The following SLC12A3 variants were observed in gnomAD, a reference collection of about 807,000 sequenced individuals.
SLC12A3 encodes solute carrier family 12 member 3, also known as Na-Cl cotransporter.
In SLC12A3, 104 loss-of-function variants were observed where a neutral mutation model predicts 121.0. That is an observed-to-expected ratio of 0.86 (90% CI 0.73 to 1.01). The LOEUF is 1.01. SLC12A3 is among the 50% of genes least tolerant of loss of function. The probability of loss-of-function intolerance (pLI) is 0.00; values close to 1 mark genes in which losing one functional copy is unlikely to be tolerated. For missense variants in SLC12A3, 1,328 were observed against 1,356.3 expected, an observed-to-expected ratio of 0.98 and a Z score of 0.33; for synonymous variants, 536 against 533.4, an observed-to-expected ratio of 1.00 and a Z score of -0.07.
chr16:56,866,936 A>T, intron 1 of SLC12A3, 134 bp from the exon 2 acceptor site: 1 of 1,185,840 alleles, frequency 8.4e-7, no homozygotes, highest in Non-Finnish European at 1.2e-6. Context: ...CCCCTCAAGC[A>T]GCTCAACACC....
Position 56,890,364 on chromosome 16 carries a change from C to T in SLC12A3, c.2368+8C>T, listed in dbSNP as rs140236327. 6.2e-7 allele frequency: 1 copy of T among 1,611,830 alleles called. No homozygotes were observed. Among genetic ancestry groups the T allele is most frequent in the South Asian group, 1.1e-5 (1 of 91,036 alleles). ...AGATGATGCAGGCGCACAGTGAGTA[C>T]ATGCCCCACCCACTCCCAGAAAGTT... On this transcript the variant is annotated splice_region_variant and intron_variant, in intron 19 of 25. Transcript: ENST00000563236.
rs778388785 is a variant in SLC12A3 at position 56,872,654 on chromosome 16, A to T, written c.965-2A>T. The T allele has an allele frequency of 6.2e-7, 1 of 1,614,254 alleles. No homozygotes were observed. The highest frequency in any genetic ancestry group is 8.5e-7 in the Non-Finnish European group (1 of 1,180,046). ...CTTACTCATCAGGCCTTGCTTTTCC[A>T]GCGGACATTTTTGTCCAGAACTTGG... On this transcript the variant is annotated splice_acceptor_variant, in intron 7 of 25. Transcript: ENST00000563236. LOFTEE classifies it high-confidence loss of function.
intron 18 of SLC12A3, 26 bp downstream of exon 18, chr16:56,888,057 T>G (rs758047264): frequency 6.4e-7 from 1 of 1,558,034 alleles, no homozygotes; most frequent in South Asian, 1.1e-5. Flanking sequence ...GGAAGGGGCT[T>G]GGGGTCTGTT....
At chr16:56,884,343 C>T in intron 14 of SLC12A3, 139 bp downstream of exon 14, 1 of 879,166 alleles carries the variant, frequency 1.1e-6, no homozygotes, top group Admixed American at 2.2e-5. Context: ...CCCCTTTATC[C>T]CTCCCAATGT....
intron 8 of SLC12A3, among the ~76,000 whole-genome samples, chr16:56,873,515 T>C (rs1208828878): frequency 6.8e-6 from 1 of 147,556 alleles, no homozygotes; most frequent in Non-Finnish European, 1.5e-5. Context: ...GCCTCCTGAG[T>C]AGCTGGGATT....
chr16:56,884,298 C>A (rs761163834), intron 14 of SLC12A3, 94 bp downstream of exon 14: 1 of 1,312,284 alleles, frequency 7.6e-7, no homozygotes, highest in Non-Finnish European at 1.1e-6. Flanking sequence ...GCCCTGAGTC[C>A]GGCTCTGTGC....
rs2055736353 is a variant in SLC12A3 at position 56,915,131 on chromosome 16, G to GT, written c.*1727dup. Reference sequence around the variant, plus strand: ...ATCGAATGCCAGTGGGTGAGGCCAAGTGAGGGTATTTGCAGCTCTAGACAT... The same window carrying GT: ...ATCGAATGCCAGTGGGTGAGGCCAAGTTGAGGGTATTTGCAGCTCTAGACAT... On this transcript the variant is annotated 3_prime_UTR_variant, in exon 26 of 26. Coordinates refer to ENST00000563236, the MANE Select transcript of SLC12A3 (RefSeq NM_001126108.2). 6.6e-6 allele frequency: 1 copy of GT among 152,338 alleles called. No individual in the cohort carries two copies. Among genetic ancestry groups the GT allele is most frequent in the South Asian group, 2.1e-4 (1 of 4,834 alleles). The allele number at this position is 152,338 out of a possible 1,614,324, so 9.4% of individuals were successfully genotyped here. A position where few individuals can be genotyped will look rare whatever the true frequency, so the allele number is the denominator to read the frequency against.
rs1481359450 is a variant in SLC12A3, at chr16:56,915,339, C to T, written c.*1934C>T. 4 of 152,218 alleles carry T rather than the reference C, an allele frequency of 2.6e-5. No individual in the cohort carries two copies. The highest frequency in any genetic ancestry group is 4.4e-5 in the Non-Finnish European group (3 of 68,036). 9.4% of individuals were successfully genotyped at this position (152,218 alleles called of 1,614,324 possible). A position where few individuals can be genotyped will look rare whatever the true frequency, so the allele number is the denominator to read the frequency against. On this transcript the variant is annotated 3_prime_UTR_variant, in exon 26 of 26. Coordinates refer to ENST00000563236, the MANE Select transcript of SLC12A3 (RefSeq NM_001126108.2). The stretch of plus-strand genomic sequence containing the variant: ...AGACTTCTAGAATTTAGAAGGAGAT[C>T]TGAAGTCTCCTTTCTGGAGTTACAA...
intron 22 of SLC12A3, among the ~76,000 whole-genome samples, chr16:56,899,009 G>C (rs2055502171): frequency 6.6e-6 from 1 of 152,176 alleles, no homozygotes; most frequent in Admixed American, 6.6e-5. Flanking sequence ...AATTTGGGGT[G>C]CGCTAGTACA....
Position 56,899,583 on chromosome 16 carries a change from TC to T in SLC12A3, c.2690del (p.Pro897LeufsTer18). On this transcript the variant is annotated frameshift_variant, in exon 23 of 26. Transcript: ENST00000563236. LOFTEE classifies it high-confidence loss of function. Reference protein sequence around the residue: ...FRLGFHEVHILPDINQNPRAE... With the variant: ...FRLGFHEVHIXPDINQNPRAE... ...CTGGGATTCCATGAAGTCCACATCC[TC>T]CCTGACATCAACCAGAACCCTCGGG... The T allele has an allele frequency of 1.9e-6, 3 of 1,614,130 alleles. No homozygotes were observed.
At position 56,887,790 on chromosome 16, in the gene SLC12A3, ATATATATATTTT is replaced by A. The variant is rs1184074282; in HGVS notation, c.2179-133_2179-122del. On this transcript the variant is annotated intron_variant, in intron 17 of 25. Coordinates refer to ENST00000563236, the MANE Select transcript of SLC12A3 (RefSeq NM_001126108.2). ...TTTAAGATTATATATATATATATAT[ATATATATATTTT>A]TTTTTTTTTTTTTTTTGAGAATCAG... The A allele has an allele frequency of 7.6e-4, 84 of 110,372 alleles. 1 individual carries two copies. The highest frequency in any genetic ancestry group is 4.5e-3 in the East Asian group (22 of 4,898). The allele number at this position is 110,372 out of a possible 1,614,324, so 6.8% of individuals were successfully genotyped here. A position where few individuals can be genotyped will look rare whatever the true frequency, so the allele number is the denominator to read the frequency against.
intron 12 of SLC12A3, among the ~76,000 whole-genome samples, chr16:56,882,028 G>A (rs2055246899): frequency 2.0e-5 from 3 of 148,250 alleles, no homozygotes; most frequent in Admixed American, 1.4e-4. Flanking sequence ...CAGCCTGGGT[G>A]ACAGAGCGAG....
At chr16:56,891,708 TTG>T (rs1207360221) in intron 19 of SLC12A3, among the ~76,000 whole-genome samples, 1 of 152,080 alleles carries the variant, frequency 6.6e-6, no homozygotes, top group Non-Finnish European at 1.5e-5. Context: ...TTATTTCAGA[TTG>T]TGAGAGTGTC....
chr16:56,881,444 T>G (rs1390380659), intron 12 of SLC12A3, among the ~76,000 whole-genome samples: 1 of 150,172 alleles, frequency 6.7e-6, no homozygotes, highest in Non-Finnish European at 1.5e-5. Context: ...TCCTTTCATC[T>G]GGGGGGGGGT....
At chr16:56,908,123 A>T (rs1435860251) in intron 25 of SLC12A3, among the ~76,000 whole-genome samples, 37 of 138,028 alleles carry the variant, frequency 2.7e-4, no homozygotes, top group African/African-American at 9.6e-4. Context: ...TTTTTTTTTT[A>T]AAGAATGATT....
In SLC12A3 at chr16:56,913,302, C is replaced by T. The variant is rs141867836; in HGVS notation, c.2963C>T (p.Ser988Leu). ...PIGRKGKCPS[S>L]LYMAWLETLS... is the part of the protein sequence containing the mutation. The stretch of plus-strand genomic sequence containing the variant: ...GGGAGGAAGGGGAAGTGCCCCAGCT[C>T]GCTGTACATGGCCTGGCTGGAGACC... Residue 988 changes from serine (S) to leucine (L), a missense_variant, in exon 26 of 26, where the codon TCG becomes TTG. Coordinates refer to ENST00000563236, the MANE Select transcript of SLC12A3 (RefSeq NM_001126108.2). 2.8e-5 allele frequency: 45 copies of T among 1,614,202 alleles called. 1 individual carries two copies. The highest frequency in any genetic ancestry group is 9.3e-5 in the African/African-American group (7 of 75,026).
intron 25 of SLC12A3, among the ~76,000 whole-genome samples, chr16:56,912,883 C>T (rs1483492275): frequency 6.6e-6 from 1 of 152,106 alleles, no homozygotes; most frequent in Admixed American, 6.6e-5. Context: ...GCTGGGGCTG[C>T]TCCTTTCCTG....
At chr16:56,889,515 C>T (rs550270448) in intron 18 of SLC12A3, among the ~76,000 whole-genome samples, 59 of 152,252 alleles carry the variant, frequency 3.9e-4, no homozygotes, top group East Asian at 2.1e-3. Context: ...CTTGTTCTGT[C>T]GCCCCGGCTG....
Position 56,886,974 on chromosome 16 carries a change from C to T in SLC12A3, c.2059C>T (p.Pro687Ser), listed in dbSNP as rs2055321164. 1 of 1,613,646 alleles carries T rather than the reference C, an allele frequency of 6.2e-7. No homozygotes were observed. Among genetic ancestry groups the T allele is most frequent in the Non-Finnish European group, 8.5e-7 (1 of 1,180,006 alleles). The change falls in exon 17 of 26, where the codon CCT (proline) becomes TCT (serine). Residue 687 changes from proline (P) to serine (S), a missense_variant. Transcript: ENST00000563236. Reference sequence around the variant, plus strand: ...ACAGGGACCCCACAAGCAGAGGATGCCTGAGCTCCAGCTCATCGCCAACGG... The same window carrying T: ...ACAGGGACCCCACAAGCAGAGGATGTCTGAGCTCCAGCTCATCGCCAACGG... ...VLIGPHKQRM[P>S]ELQLIANGHT...
Sources: gnomAD v4.1 joint callset for allele counts (sites outside exome capture counted in the v4.1 genomes callset) on GRCh38, gnomAD v4.1.1 for gene constraint, MANE v1.5 for transcripts, NCBI Gene and HGNC (gene_info 2026-07-23, HGNC 2026-07-21) for gene names.